The following RAD9A variants were observed in gnomAD, a reference collection of about 807,000 sequenced individuals.
The protein encoded by RAD9A is cell cycle checkpoint control protein RAD9A.
Under a neutral mutation model 41.2 loss-of-function variants are expected in RAD9A, and 25 were observed. The observed-to-expected ratio is 0.61, with a 90% CI of 0.44 to 0.85. The LOEUF (loss-of-function observed/expected upper bound fraction) is 0.85, where lower values mean the gene tolerates loss of function less well. RAD9A is among the 40% of genes least tolerant of loss of function. The pLI is 0.00. For synonymous variants in RAD9A, 252 were observed against 210.6 expected, an observed-to-expected ratio of 1.20 and a Z score of -1.70; for missense variants, 514 against 518.3, an observed-to-expected ratio of 0.99 and a Z score of 0.08.
At chr11:67,392,367 T>G in intron 2 of RAD9A, 136 bp downstream of exon 2, 1 of 914,316 alleles carries the variant, frequency 1.1e-6, no homozygotes, top group Non-Finnish European at 1.6e-6. Flanking sequence ...GTCTGGCGGC[T>G]GTCATCTTCC....
chr11:67,396,092 G>C lies in RAD9A; in HGVS notation c.670-19G>C, dbSNP rs1862686213. ...CTCAGCCCAGCCCGGGGCCTCACCT[G>C]CTACCTCTTTCCTCCCAGGGGCTCC... is the stretch of plus-strand genomic sequence containing the variant. On this transcript the variant is annotated intron_variant, in intron 7 of 10. Coordinates refer to ENST00000307980, the MANE Select transcript of RAD9A (RefSeq NM_004584.3). 1 of 1,613,594 alleles carries C rather than the reference G, an allele frequency of 6.2e-7. No homozygotes were observed. Among genetic ancestry groups the C allele is most frequent in the Non-Finnish European group, 8.5e-7 (1 of 1,179,536 alleles).
chr11:67,396,708 G>A (rs1286689407), intron 9 of RAD9A, among the ~76,000 whole-genome samples: 1 of 152,118 alleles, frequency 6.6e-6, no homozygotes, highest in Non-Finnish European at 1.5e-5. Flanking sequence ...GGGCTGCTGG[G>A]AGGCAGGAGC....
chr11:67,395,155 G>T (rs897659591), intron 5 of RAD9A: 3 of 152,528 alleles, frequency 2.0e-5, no homozygotes, highest in African/African-American at 7.3e-5. Context: ...GGCCAAGCTG[G>T]TCTCGAACTC....
Position 67,397,880 on chromosome 11 carries a change from C to T in RAD9A, c.*321C>T, listed in dbSNP as rs1862763546. ...GCCAAGGCTGGAAACCTGTCTCCCT[C>T]AGGCTCACCTTCCTAAGGAAAATGT... On this transcript the variant is annotated 3_prime_UTR_variant, in exon 11 of 11. Transcript: ENST00000307980. The T allele has an allele frequency of 3.1e-6, 1 of 325,890 alleles. No homozygotes were observed. Among genetic ancestry groups the T allele is most frequent in the South Asian group, 4.6e-5 (1 of 21,690 alleles). The allele number at this position is 325,890 out of a possible 1,614,324, so 20.2% of individuals were successfully genotyped here. A position where few individuals can be genotyped will look rare whatever the true frequency, so the allele number is the denominator to read the frequency against.
At chr11:67,395,633 G>A (rs1269609680) in intron 5 of RAD9A, 83 bp from the exon 6 acceptor site, 27 of 1,055,110 alleles carry the variant, frequency 2.6e-5, no homozygotes, top group Non-Finnish European at 2.8e-5. Flanking sequence ...GCGTGTGCAT[G>A]TGTCACCCCC....
At position 67,393,419 on chromosome 11, in the gene RAD9A, TGGGTGTGGGCCTGCATGGGACAG is replaced by T. The variant is rs555511401; in HGVS notation, c.235-75_235-53del. On this transcript the variant is annotated intron_variant, in intron 3 of 10. Transcript: ENST00000307980. ...CCAGAGTTACATGCTGGGCCCATGATGGGTGTGGGCCTGCATGGGACAGGAGAGCTTGTTGCAGAGATGTGATG... is the reference window on the plus strand; with the variant it reads ...CCAGAGTTACATGCTGGGCCCATGATGAGAGCTTGTTGCAGAGATGTGATG... 1,143 of 1,559,744 alleles carry T rather than the reference TGGGTGTGGGCCTGCATGGGACAG, an allele frequency of 7.3e-4. 1 individual carries two copies. The highest frequency in any genetic ancestry group is 9.1e-4 in the Non-Finnish European group (1,044 of 1,146,762).
chr11:67,397,750 A>C lies in RAD9A; in HGVS notation c.*191A>C. 1.7e-6 allele frequency: 1 copy of C among 588,140 alleles called. No individual in the cohort carries two copies. Among genetic ancestry groups the C allele is most frequent in the Non-Finnish European group, 3.0e-6 (1 of 334,948 alleles). 36.4% of individuals were successfully genotyped at this position (588,140 alleles called of 1,614,324 possible). A position where few individuals can be genotyped will look rare whatever the true frequency, so the allele number is the denominator to read the frequency against. ...CCACAGCGGTCGGGCCTGGGCCGTT[A>C]TCTCCCCACAACCCCCAGCCAATCA... On this transcript the variant is annotated 3_prime_UTR_variant, in exon 11 of 11. Coordinates refer to ENST00000307980, the MANE Select transcript of RAD9A (RefSeq NM_004584.3).
At chr11:67,397,086 T>C (rs1862726466) in intron 9 of RAD9A, 93 bp from the exon 10 acceptor site, 1 of 894,412 alleles carries the variant, frequency 1.1e-6, no homozygotes, top group African/African-American at 1.7e-5. Context: ...TCTCCAGTGG[T>C]CGGGGGCCCC....
At position 67,398,192 on chromosome 11, in the gene RAD9A, G is replaced by A. The variant is rs1214853278; in HGVS notation, c.*633G>A. ...AGACGGAGGCCATGGCGAGAATCCA[G>A]CTTTGACCTTTATTCAAGAGACCAG... On this transcript the variant is annotated 3_prime_UTR_variant, in exon 11 of 11. Coordinates refer to ENST00000307980, the MANE Select transcript of RAD9A (RefSeq NM_004584.3). The A allele has an allele frequency of 6.0e-6, 2 of 335,154 alleles. No homozygotes were observed. The highest frequency in any genetic ancestry group is 4.2e-5 in the African/African-American group (2 of 47,404). The allele number at this position is 335,154 out of a possible 1,614,324, so 20.8% of individuals were successfully genotyped here.
chr11:67,393,944 C>T (rs1565116606), intron 5 of RAD9A, among the ~76,000 whole-genome samples, 154 bp downstream of exon 5: 1 of 152,208 alleles, frequency 6.6e-6, no homozygotes, highest in Non-Finnish European at 1.5e-5. Context: ...TGCTCAGGTC[C>T]TTACCTGGCT....
chr11:67,393,539 CG>C lies in RAD9A; in HGVS notation c.280del (p.Val94TrpfsTer8), dbSNP rs752204314. The C allele has an allele frequency of 6.2e-7, 1 of 1,614,178 alleles. No homozygotes were observed. Among genetic ancestry groups the C allele is most frequent in the African/African-American group, 1.3e-5 (1 of 75,038 alleles). The part of the protein sequence containing the change: ...VFRSLAMLEK[T>X]VEKCCISLNG... Reference sequence around the variant, plus strand: ...CGCTCACTGGCGATGCTGGAGAAGACGGTGGAAAAATGCTGCATCTCCCTGA... The same window carrying C: ...CGCTCACTGGCGATGCTGGAGAAGACGTGGAAAAATGCTGCATCTCCCTGA... On this transcript the variant is annotated frameshift_variant, in exon 4 of 11. Transcript: ENST00000307980. LOFTEE classifies it high-confidence loss of function.
At chr11:67,392,891 C>A in intron 3 of RAD9A, 109 bp downstream of exon 3, 1 of 1,406,954 alleles carries the variant, frequency 7.1e-7, no homozygotes, top group Non-Finnish European at 9.8e-7. Context: ...GAGACACGTG[C>A]AAGCCCAATC....
Position 67,397,919 on chromosome 11 carries a change from G to T in RAD9A, c.*360G>T, listed in dbSNP as rs17885890. On this transcript the variant is annotated 3_prime_UTR_variant, in exon 11 of 11. Transcript: ENST00000307980. ...TAAGGAAAATGTCATAGTAGGTGCT[G>T]CTGGCCCCTGGTGATCCAGCTTCTC... is the stretch of plus-strand genomic sequence containing the variant. The T allele has an allele frequency of 9.6e-4, 241 of 251,812 alleles. 4 individuals are homozygous for T. Among genetic ancestry groups the T allele is most frequent in the African/African-American group, 3.3e-3 (147 of 43,986 alleles). The allele number at this position is 251,812 out of a possible 1,614,324, so 15.6% of individuals were successfully genotyped here. A position where few individuals can be genotyped will look rare whatever the true frequency, so the allele number is the denominator to read the frequency against.
At position 67,396,158 on chromosome 11, in the gene RAD9A, T is replaced by C. The variant is rs1192969498; in HGVS notation, c.717T>C (p.His239=). The change falls in exon 8 of 11, where the codon CAT becomes CAC. Residue 239 remains histidine, a synonymous_variant. Coordinates refer to ENST00000307980, the MANE Select transcript of RAD9A (RefSeq NM_004584.3). ...CAGCAAACTTGAATCTTAGCATTCA[T>C]TTTGATGCTCCAGGCAGGTAGTTCC... ...AESANLNLSI[H]FDAPGRPAIF... The C allele has an allele frequency of 1.2e-6, 2 of 1,613,870 alleles. No individual in the cohort carries two copies. Among genetic ancestry groups the C allele is most frequent in the African/African-American group, 2.7e-5 (2 of 74,912 alleles).
chr11:67,396,633 C>T (rs547908772), intron 9 of RAD9A, among the ~76,000 whole-genome samples: 97 of 152,338 alleles, frequency 6.4e-4, no homozygotes, highest in African/African-American at 2.2e-3. Context: ...TCCCCAAGGC[C>T]CTGCCAGCTT....
Position 67,392,745 on chromosome 11 carries a change from C to T in RAD9A, c.197C>T (p.Pro66Leu). ...LFFQQYQAAT[P>L]GQDLLRCKIL... ...TTCCAGCAATACCAGGCAGCCACCC[C>T]TGGTCAGGACCTGCTGCGCTGTAAG... Residue 66 changes from proline to leucine, a missense_variant, in exon 3 of 11, where the codon CCT becomes CTT. By Grantham distance (98) the Pro-to-Leu change is moderately conservative. This residue lies in a region of RAD9A where 268 missense variants were observed against 279.3 expected (regional missense o/e 0.96). Transcript: ENST00000307980. The T allele has an allele frequency of 1.2e-6, 2 of 1,614,100 alleles. No individual in the cohort carries two copies. The highest frequency in any genetic ancestry group is 1.3e-5 in the African/African-American group (1 of 75,032).
chr11:67,396,538 C>A, intron 9 of RAD9A, 138 bp downstream of exon 9: 1 of 1,124,354 alleles, frequency 8.9e-7, no homozygotes, highest in Non-Finnish European at 1.2e-6. Context: ...CAGCCCCTAA[C>A]CCTATAGTGC....
In RAD9A at chr11:67,397,720, C is replaced by T; in HGVS notation, c.*161C>T. On this transcript the variant is annotated 3_prime_UTR_variant, in exon 11 of 11. Coordinates refer to ENST00000307980, the MANE Select transcript of RAD9A (RefSeq NM_004584.3). ...GCCCCAGCTGGCTGTCACTGTAAAG[C>T]TGTCCCACAGCGGTCGGGCCTGGGC... The T allele has an allele frequency of 2.9e-6, 2 of 688,282 alleles. No individual in the cohort carries two copies. The highest frequency in any genetic ancestry group is 4.8e-6 in the Non-Finnish European group (2 of 416,324). The allele number at this position is 688,282 out of a possible 1,614,324, so 42.6% of individuals were successfully genotyped here.
rs767286791 is a variant in RAD9A, at chr11:67,393,487, C to A, written c.235-9C>A. The A allele has an allele frequency of 6.2e-7, 1 of 1,614,006 alleles. No homozygotes were observed. Reference sequence around the variant, plus strand: ...GTGATGCTAGGCTGAGGTGTCTTATCCCATGCAGTCTTTCCTGTCTGTCTT... The same window carrying A: ...GTGATGCTAGGCTGAGGTGTCTTATACCATGCAGTCTTTCCTGTCTGTCTT... On this transcript the variant is annotated splice_polypyrimidine_tract_variant and intron_variant, in intron 3 of 10. Transcript: ENST00000307980.
Sources: allele counts gnomAD v4.1 joint callset (sites outside exome capture counted in the v4.1 genomes callset), GRCh38; gene constraint gnomAD v4.1.1; regional missense constraint gnomAD v4.1.1; transcripts MANE v1.5; gene names NCBI Gene and HGNC (gene_info 2026-07-23, HGNC 2026-07-21).